Variants in RALGAPB observed in about 807,000 individuals in gnomAD.
RALGAPB encodes Ral GTPase activating protein non-catalytic subunit beta, also known as ral GTPase-activating protein subunit beta.
A neutral mutation model predicts 161.1 loss-of-function variants in RALGAPB; 25 were observed. The ratio of observed to expected loss-of-function variants is 0.16; its 90% CI spans 0.11 to 0.22. The LOEUF (loss-of-function observed/expected upper bound fraction) is 0.22, where lower values mean the gene tolerates loss of function less well. Ranked by LOEUF, RALGAPB falls within the 10% of genes least tolerant of loss-of-function variation. The probability of loss-of-function intolerance (pLI) is 1.00; values close to 1 mark genes in which losing one functional copy is unlikely to be tolerated. For synonymous variants in RALGAPB, 629 were observed against 626.1 expected, an observed-to-expected ratio of 1.00 and a Z score of -0.07; for missense variants, 1,391 against 1,815.2, an observed-to-expected ratio of 0.77 and a Z score of 4.25.
chr20:38,537,295 CA>C (rs145085866), intron 16 of RALGAPB, among the ~76,000 whole-genome samples: 72 of 151,518 alleles, frequency 4.8e-4, no homozygotes, highest in Non-Finnish European at 7.8e-4. Context: ...GTCATACACA[CA>C]AAAAAAAGCC....
rs1046243719 is a variant in RALGAPB, at chr20:38,472,861, C to T, written c.-239C>T. 1.8e-5 allele frequency: 7 copies of T among 398,880 alleles called. No individual in the cohort carries two copies. Among genetic ancestry groups the T allele is most frequent in the African/African-American group, 1.4e-4 (7 of 48,636 alleles). 24.7% of individuals were successfully genotyped at this position (398,880 alleles called of 1,614,324 possible). ...CCCTGGCAGTCGGAAGTTGCCTGAG[C>T]AGATCCCAGCCGGCTGGCTCGAGTG... On this transcript the variant is annotated 5_prime_UTR_variant, in exon 1 of 30. Transcript: ENST00000262879.
At chr20:38,517,466 T>A in intron 7 of RALGAPB, 40 bp from the exon 8 acceptor site, 2 of 1,519,312 alleles carry the variant, frequency 1.3e-6, no homozygotes, top group Non-Finnish European at 1.8e-6. Flanking sequence ...TATTTTGACC[T>A]ATGAAGAATA....
chr20:38,564,285 A>G (rs754349706), intron 24 of RALGAPB, among the ~76,000 whole-genome samples: 10 of 152,338 alleles, frequency 6.6e-5, no homozygotes, highest in Admixed American at 2.0e-4. Context: ...TACATTGTCT[A>G]TGACAGCTTT....
At position 38,557,888 on chromosome 20, in the gene RALGAPB, G is replaced by A. The variant is rs143105529; in HGVS notation, c.3373-407G>A. The stretch of plus-strand genomic sequence containing the variant: ...GTGGATGTTTGTGGGAAAATACCAA[G>A]GTGTGCAGTTGCTGCATTGCATGGT... On this transcript the variant is annotated intron_variant, in intron 22 of 29. Transcript: ENST00000262879. Among the ~76,000 whole-genome samples the A allele has an allele frequency of 1.6e-4, 25 of 152,306 alleles. 1 individual carries two copies. The East Asian group carries it at 4.6e-3, about 28-fold the overall frequency.
rs545826705 is a variant in RALGAPB, at chr20:38,510,082, A to G, written c.872+874A>G. On this transcript the variant is annotated intron_variant, in intron 6 of 29. Coordinates refer to ENST00000262879, the MANE Select transcript of RALGAPB (RefSeq NM_020336.4). ...TTCCTTTGTAATAGTAAGTTCTTTT[A>G]TATACCTCAGGATCTGTCTTTATAT... Among the ~76,000 whole-genome samples, 3 of 151,874 alleles carry G rather than the reference A, an allele frequency of 2.0e-5. No individual in the cohort carries two copies. The East Asian group carries it at 5.8e-4, about 29-fold the overall frequency.
At chr20:38,514,749 C>T (rs1439153089) in intron 6 of RALGAPB, among the ~76,000 whole-genome samples, 1 of 152,220 alleles carries the variant, frequency 6.6e-6, no homozygotes, top group African/African-American at 2.4e-5. Context: ...TGTGTATGCC[C>T]ACCTGCCCTT....
At chr20:38,573,140 C>G (rs1568989969) in intron 28 of RALGAPB, among the ~76,000 whole-genome samples, 1 of 151,616 alleles carries the variant, frequency 6.6e-6, no homozygotes, top group Non-Finnish European at 1.5e-5. Context: ...CCATGTTACC[C>G]AGGCTGGTCT....
chr20:38,558,266 T>C (rs2087658537), intron 22 of RALGAPB, 29 bp from the exon 23 acceptor site: 1 of 1,470,544 alleles, frequency 6.8e-7, no homozygotes. Flanking sequence ...AAATAGGTAA[T>C]AATTGCTCCT....
intron 6 of RALGAPB, among the ~76,000 whole-genome samples, chr20:38,511,371 T>C (rs2123042978): frequency 6.6e-6 from 1 of 151,978 alleles, no homozygotes; most frequent in East Asian, 1.9e-4. Flanking sequence ...TCTTGGGTGT[T>C]TCTCGGAGAG....
chr20:38,525,375 A>G, intron 11 of RALGAPB, 29 bp from the exon 12 acceptor site: 1 of 1,506,440 alleles, frequency 6.6e-7, no homozygotes. Context: ...TTAGTTCAAA[A>G]ATACTAATAG....
At chr20:38,531,090 T>C (rs558648595) in intron 13 of RALGAPB, 77 bp from the exon 14 acceptor site, 12 of 1,218,390 alleles carry the variant, frequency 9.8e-6, no homozygotes, top group Non-Finnish European at 1.3e-5. Flanking sequence ...ATCTGTACTA[T>C]TAATCATATA....
chr20:38,555,088 G>GA (rs929967750), intron 22 of RALGAPB, among the ~76,000 whole-genome samples: 83 of 150,716 alleles, frequency 5.5e-4, no homozygotes, highest in Non-Finnish European at 8.0e-4. Context: ...TGTCTCTTGG[G>GA]AAAAAAAAAT....
At chr20:38,525,781 T>C (rs1419399086) in intron 12 of RALGAPB, 114 bp from the exon 13 acceptor site, 3 of 1,096,116 alleles carry the variant, frequency 2.7e-6, no homozygotes, top group Non-Finnish European at 3.9e-6. Flanking sequence ...CAGTGGCTAA[T>C]ATTAGACTGA....
chr20:38,570,968 G>T, intron 28 of RALGAPB, 121 bp downstream of exon 28: 1 of 662,312 alleles, frequency 1.5e-6, no homozygotes, highest in Non-Finnish European at 2.5e-6. Context: ...AAACAAAAAA[G>T]ATCAAAGAAA....
intron 21 of RALGAPB, among the ~76,000 whole-genome samples, chr20:38,551,554 G>C (rs1333292639): frequency 6.6e-6 from 1 of 152,144 alleles, no homozygotes; most frequent in Non-Finnish European, 1.5e-5. Context: ...TTATAAGAAA[G>C]GAAGGACTAT....
rs751714159 is a variant in RALGAPB, at chr20:38,532,867, G to T, written c.2245+8G>T. On this transcript the variant is annotated splice_region_variant and intron_variant, in intron 15 of 29. Transcript: ENST00000262879. ...CTCTCTTAAGAGATTATGGTTAGTC[G>T]TGTTTCTTTTGAAATTCAAAGTTTA... The T allele has an allele frequency of 1.2e-6, 2 of 1,608,314 alleles. No homozygotes were observed. The highest frequency in any genetic ancestry group is 1.7e-6 in the Non-Finnish European group (2 of 1,175,976).
In RALGAPB at chr20:38,509,180, A is replaced by G. The variant is rs1254290293; in HGVS notation, c.844A>G (p.Thr282Ala). The change falls in exon 6 of 30, where the codon ACA becomes GCA. Residue 282 changes from threonine to alanine, a missense_variant. Thr to Ala is a moderately conservative substitution (Grantham distance 58). Transcript: ENST00000262879. ...AATGGATAATGAGTGTGTTGCACAG[A>G]CATGGTTTCGCTTTTTACACATGTT... ...PEMDNECVAQTWFRFLHMLSN... is the reference protein window; with the variant it reads ...PEMDNECVAQAWFRFLHMLSN... 1 of 1,613,932 alleles carries G rather than the reference A, an allele frequency of 6.2e-7. No individual in the cohort carries two copies. The highest frequency in any genetic ancestry group is 1.1e-5 in the South Asian group (1 of 91,060).
At chr20:38,561,755 G>C (rs1281719916) in intron 23 of RALGAPB, among the ~76,000 whole-genome samples, 1 of 152,108 alleles carries the variant, frequency 6.6e-6, no homozygotes, top group Non-Finnish European at 1.5e-5. Context: ...TAAGTTCTTT[G>C]TTACGGGGGC....
intron 7 of RALGAPB, 159 bp downstream of exon 7, chr20:38,516,529 C>A: frequency 1.4e-6 from 1 of 719,838 alleles, no homozygotes; most frequent in Middle Eastern, 2.6e-4. Context: ...ATAAAATAGC[C>A]AGAGGGTTAT....
Sources: allele counts gnomAD v4.1 joint callset (sites outside exome capture counted in the v4.1 genomes callset), GRCh38; gene constraint gnomAD v4.1.1; transcripts MANE v1.5; gene names NCBI Gene and HGNC (gene_info 2026-07-23, HGNC 2026-07-21).